The following NLRP14 variants were observed in gnomAD, a reference collection of about 807,000 sequenced individuals.
NLRP14 encodes the protein NACHT, LRR and PYD domains-containing protein 14.
In NLRP14, 105 loss-of-function variants were observed where a neutral mutation model predicts 94.7. The observed-to-expected ratio is 1.11, with a 90% CI of 0.95 to 1.30. The LOEUF is 1.30. Ranked by LOEUF, NLRP14 falls within the 50% of genes most tolerant of loss-of-function variation. NLRP14 has a pLI of 0.00. For synonymous variants in NLRP14, 508 were observed against 459.9 expected (o/e 1.10, Z -1.34); for missense variants, 1,362 against 1,254.1 (o/e 1.09, Z -1.30).
chr11:7,037,983 A>G (rs1852184758), intron 1 of NLRP14, among the ~76,000 whole-genome samples: 1 of 152,184 alleles, frequency 6.6e-6, no homozygotes. Context: ...ACCCTCAGTA[A>G]TTATATATGT....
Position 7,043,145 on chromosome 11 carries a change from G to A in NLRP14, c.1119G>A (p.Trp373Ter). 2 of 1,614,086 alleles carry A rather than the reference G, an allele frequency of 1.2e-6. No individual in the cohort carries two copies. Among genetic ancestry groups the A allele is most frequent in the Non-Finnish European group, 1.7e-6 (2 of 1,180,018 alleles). Residue 373 changes from tryptophan (W) to a stop codon, truncating the protein, a stop_gained, in exon 4 of 12, where the codon TGG (tryptophan) becomes TGA (stop). Coordinates refer to ENST00000299481, the MANE Select transcript of NLRP14 (RefSeq NM_176822.4). LOFTEE classifies it high-confidence loss of function. ...TGTGCCAAGTCCCCCTAGTGTGCTG[G>A]GCCGCTTGTACTTGTCTGAAGCAGC... ...FSMCQVPLVC[W>*]AACTCLKQQM...
intron 5 of NLRP14, among the ~76,000 whole-genome samples, chr11:7,047,450 T>C (rs1025708500): frequency 1.3e-5 from 2 of 151,900 alleles, no homozygotes; most frequent in Non-Finnish European, 2.9e-5. Flanking sequence ...ATTACAGGCA[T>C]GTACCACCAT....
chr11:7,031,273 A>G (rs1852091050), intron 1 of NLRP14, among the ~76,000 whole-genome samples: 1 of 152,304 alleles, frequency 6.6e-6, no homozygotes, highest in East Asian at 1.9e-4. Context: ...TGTCCACTCT[A>G]AAATGGGAAG....
intron 10 of NLRP14, among the ~76,000 whole-genome samples, chr11:7,067,087 CT>C (rs2119710391): frequency 1.3e-5 from 2 of 152,190 alleles, no homozygotes; most frequent in Admixed American, 1.3e-4. Flanking sequence ...CAGTACCATG[CT>C]GTTTTGGTTA....
Position 7,049,713 on chromosome 11 carries a change from T to C in NLRP14, c.2166T>C (p.Ser722=). The C allele has an allele frequency of 1.2e-6, 2 of 1,612,852 alleles. No homozygotes were observed. The highest frequency in any genetic ancestry group is 1.7e-6 in the Non-Finnish European group (2 of 1,178,842). The change falls in exon 6 of 12, where the codon TCT becomes TCC. Residue 722 remains serine, a synonymous_variant. Transcript: ENST00000299481. ...ITFPDGCQDI[S]TSLIHNKNLM... ...TCCCTGATGGTTGTCAGGATATCTC[T>C]ACTTCTTTGATTCATAACAAGAATC... is the stretch of plus-strand genomic sequence containing the variant.
intron 4 of NLRP14, among the ~76,000 whole-genome samples, 199 bp downstream of exon 4, chr11:7,044,183 T>C (rs1223595341): frequency 6.6e-6 from 1 of 152,112 alleles, no homozygotes; most frequent in Non-Finnish European, 1.5e-5. Flanking sequence ...GCAAAAACTT[T>C]CCTGAGATGG....
At chr11:7,048,342 A>C (rs1192298869) in intron 5 of NLRP14, among the ~76,000 whole-genome samples, 1 of 152,154 alleles carries the variant, frequency 6.6e-6, no homozygotes, top group African/African-American at 2.4e-5. Flanking sequence ...GATTGTTCAC[A>C]TGTCTCTTAC....
In NLRP14 at chr11:7,046,809, A is replaced by G; in HGVS notation, c.2100A>G (p.Pro700=). Residue 700 remains proline (P), a synonymous_variant, in exon 5 of 12, where the codon CCA becomes CCG. Transcript: ENST00000299481. The part of the protein sequence containing the change: ...MNILHHELRH[P]NCKLQKLLLK... ...TCCTGCATCATGAACTAAGGCACCCAAACTGTAAACTACAAAAGCTACTGT... is the reference window on the plus strand; with the variant it reads ...TCCTGCATCATGAACTAAGGCACCCGAACTGTAAACTACAAAAGCTACTGT... 4 of 1,613,606 alleles carry G rather than the reference A, an allele frequency of 2.5e-6. No individual in the cohort carries two copies. The highest frequency in any genetic ancestry group is 3.4e-6 in the Non-Finnish European group (4 of 1,179,544).
the NLRP14 span, among the ~76,000 whole-genome samples, chr11:7,077,878 C>G: frequency 6.6e-6 from 1 of 151,968 alleles, no homozygotes; most frequent in Admixed American, 6.6e-5. Flanking sequence ...ACAGCCAAAC[C>G]ATATCAGAGG....
rs1202321667 is a variant in NLRP14 at position 7,035,192 on chromosome 11, G to T, written c.-21-3374G>T. Among the ~76,000 whole-genome samples, 10 of 152,186 alleles carry T rather than the reference G, an allele frequency of 6.6e-5. No individual in the cohort carries two copies. The East Asian group carries it at 1.2e-3, about 18-fold the overall frequency. On this transcript the variant is annotated intron_variant, in intron 1 of 11. Transcript: ENST00000299481. ...TAAAATTAGCCAGGCATAGTGGCAG[G>T]CACCTGAAGTCCAAGTTACTTGGGT...
In NLRP14 at chr11:7,062,423, G is replaced by T. The variant is rs1174749460; in HGVS notation, c.2895G>T (p.Gly965=). The change falls in exon 10 of 12, where the codon GGG becomes GGT. Residue 965 remains glycine (G), a synonymous_variant. Coordinates refer to ENST00000299481, the MANE Select transcript of NLRP14 (RefSeq NM_176822.4). Reference sequence around the variant, plus strand: ...CAAACCTGAGGAGCCTGGACCTTGGGAACAACGATTTGCAGGATGATGGAG... The same window carrying T: ...CAAACCTGAGGAGCCTGGACCTTGGTAACAACGATTTGCAGGATGATGGAG... The part of the protein sequence containing the change: ...NNPNLRSLDL[G]NNDLQDDGVK... 3 of 1,613,224 alleles carry T rather than the reference G, an allele frequency of 1.9e-6. No homozygotes were observed. Among genetic ancestry groups the T allele is most frequent in the South Asian group, 1.1e-5 (1 of 91,060 alleles).
At chr11:7,057,291 A>C (rs2119674728) in intron 6 of NLRP14, among the ~76,000 whole-genome samples, 1 of 152,184 alleles carries the variant, frequency 6.6e-6, no homozygotes, top group Non-Finnish European at 1.5e-5. Flanking sequence ...TTTGCTCCCA[A>C]CTTCCTGTCC....
chr11:7,071,237 C>A lies in NLRP14; in HGVS notation c.3211C>A (p.Pro1071Thr). 6.2e-7 allele frequency: 1 copy of A among 1,612,826 alleles called. No individual in the cohort carries two copies. The highest frequency in any genetic ancestry group is 1.1e-5 in the South Asian group (1 of 91,020). The change falls in exon 12 of 12, where the codon CCA (proline) becomes ACA (threonine). Residue 1071 changes from proline (P) to threonine (T), a missense_variant. By Grantham distance (38) the Pro-to-Thr change is conservative. Coordinates refer to ENST00000299481, the MANE Select transcript of NLRP14 (RefSeq NM_176822.4). ...KLLEAVGVSN[P>T]HLIIKPDCNY... ...GCTGGAAGCTGTGGGAGTTAGCAAT[C>A]CACACTTAATCATTAAGCCAGATTG...
intron 5 of NLRP14, among the ~76,000 whole-genome samples, chr11:7,048,260 A>G (rs1852389265): frequency 6.6e-6 from 1 of 152,186 alleles, no homozygotes; most frequent in African/African-American, 2.4e-5. Flanking sequence ...CTTTGCCAAC[A>G]TTAGATGCTG....
At chr11:7,073,125 C>T (rs1852826864), downstream of NLRP14, among the ~76,000 whole-genome samples, 1 of 152,126 alleles carries the variant, frequency 6.6e-6, no homozygotes, top group Non-Finnish European at 1.5e-5. Context: ...TTGAAAGGGC[C>T]AAGAGGAAGC....
chr11:7,039,764 G>A lies in NLRP14; in HGVS notation c.340G>A (p.Glu114Lys). ...TGATGCCAAGGCTGGAGAGACACAA[G>A]AAGATCAGGAGGCAGTGCTGGGTGA... ...PDDAKAGETQ[E>K]DQEAVLGDGT... is the part of the protein sequence containing the mutation. The change falls in exon 3 of 12, where the codon GAA becomes AAA. Residue 114 changes from glutamate to lysine, a missense_variant. By Grantham distance (56) the Glu-to-Lys change is moderately conservative. Coordinates refer to ENST00000299481, the MANE Select transcript of NLRP14 (RefSeq NM_176822.4). 1.9e-6 allele frequency: 3 copies of A among 1,614,048 alleles called. No individual in the cohort carries two copies. Among genetic ancestry groups the A allele is most frequent in the Non-Finnish European group, 2.5e-6 (3 of 1,179,880 alleles).
chr11:7,070,561 G>A, intron 11 of NLRP14, 105 bp downstream of exon 11: 3 of 762,712 alleles, frequency 3.9e-6, no homozygotes, highest in South Asian at 3.1e-5. Context: ...TGTATCATTG[G>A]GTATTTTCTA....
In NLRP14 at chr11:7,043,877, A is replaced by T. The variant is rs530254505; in HGVS notation, c.1851A>T (p.Val617=). Residue 617 remains valine, a synonymous_variant, in exon 4 of 12, where the codon GTA becomes GTT. Transcript: ENST00000299481. ...TTTGTGAGAAAATACATTTGCTTGT[A>T]TCTTCTTTCTGCCTTAAGCACTGCC... ...INICEKIHLL[V]SSFCLKHCRC... is the part of the protein sequence containing the mutation. The T allele has an allele frequency of 1.2e-6, 2 of 1,614,188 alleles. No individual in the cohort carries two copies. Among genetic ancestry groups the T allele is most frequent in the East Asian group, 2.2e-5 (1 of 44,880 alleles).
intron 8 of NLRP14, 41 bp downstream of exon 8, chr11:7,058,491 A>C (rs1381795973): frequency 2.1e-6 from 3 of 1,412,924 alleles, no homozygotes; most frequent in Non-Finnish European, 3.0e-6. Flanking sequence ...TATATTGTAC[A>C]TTTTGAAATA....
Sources: gnomAD v4.1 joint callset for allele counts (sites outside exome capture counted in the v4.1 genomes callset) on GRCh38, gnomAD v4.1.1 for gene constraint, MANE v1.5 for transcripts, NCBI Gene and HGNC (gene_info 2026-07-23, HGNC 2026-07-21) for gene names.